Variants in EIF3H observed in about 807,000 individuals in gnomAD.
EIF3H encodes the protein eukaryotic translation initiation factor 3 subunit H, also known as eIF-3-gamma.
In EIF3H, 26 loss-of-function variants were observed where a neutral mutation model predicts 44.2. The observed-to-expected ratio is 0.59, with a 90% CI of 0.43 to 0.82. EIF3H has a LOEUF of 0.82. Ranked by LOEUF, EIF3H falls within the 40% of genes least tolerant of loss-of-function variation. EIF3H has a pLI of 0.00. For missense variants in EIF3H, 359 were observed against 432.8 expected (o/e 0.83, Z 1.51); for synonymous variants, 166 against 151.9 (o/e 1.09, Z -0.68).
At position 116,726,146 on chromosome 8, in the gene EIF3H, A is replaced by T. The variant is rs1317097476; in HGVS notation, c.159T>A (p.Tyr53Ter). The T allele has an allele frequency of 6.2e-7, 1 of 1,613,990 alleles. No individual in the cohort carries two copies. Among genetic ancestry groups the T allele is most frequent in the Non-Finnish European group, 8.5e-7 (1 of 1,179,916 alleles). ...GLVVLKIIKHYQEEGQGTEVV... is the reference protein window; with the variant it reads ...GLVVLKIIKH ...CTTCAGTTCCTTGTCCTTCTTCTTG[A>T]TAATGTTTGATTATCTTTAATACCA... Residue 53 changes from tyrosine (Y) to a stop codon, truncating the protein, a stop_gained, in exon 2 of 8, where the codon TAT (tyrosine) becomes TAA (stop). Transcript: ENST00000521861. LOFTEE classifies it high-confidence loss of function.
chr8:116,683,463 A>G (rs1297728392), intron 2 of EIF3H, among the ~76,000 whole-genome samples: 2 of 152,126 alleles, frequency 1.3e-5, no homozygotes, highest in Non-Finnish European at 2.9e-5. Flanking sequence ...CCCTGCTCTC[A>G]TTACCTCATC....
intron 1 of EIF3H, among the ~76,000 whole-genome samples, chr8:116,727,407 G>A (rs1223555743): frequency 3.3e-5 from 5 of 152,182 alleles, no homozygotes; most frequent in Non-Finnish European, 4.4e-5. Flanking sequence ...TGCACAAAAC[G>A]AAGAAACTAA....
At chr8:116,664,329 T>C (rs961908958) in intron 2 of EIF3H, among the ~76,000 whole-genome samples, 3 of 152,208 alleles carry the variant, frequency 2.0e-5, no homozygotes, top group Non-Finnish European at 4.4e-5. Flanking sequence ...CTGTCACATA[T>C]GAAAACACTG....
chr8:116,680,858 A>T (rs1395898607), intron 2 of EIF3H, among the ~76,000 whole-genome samples: 2 of 149,830 alleles, frequency 1.3e-5, no homozygotes, highest in Non-Finnish European at 3.0e-5. Context: ...AAAAAAAAAG[A>T]AAGTTAGCAA....
intron 6 of EIF3H, among the ~76,000 whole-genome samples, chr8:116,647,691 G>A (rs1250744217): frequency 6.6e-6 from 1 of 152,138 alleles, no homozygotes; most frequent in South Asian, 2.1e-4. Flanking sequence ...TTTAGTCTTT[G>A]GATTCCTAAG....
chr8:116,689,433 C>CA (rs985083703), intron 2 of EIF3H, among the ~76,000 whole-genome samples: 1 of 151,984 alleles, frequency 6.6e-6, no homozygotes, highest in African/African-American at 2.4e-5. Context: ...ATAAAACTGT[C>CA]AAAAAATAAT....
chr8:116,726,282 TAAATA>T, intron 1 of EIF3H, 110 bp from the exon 2 acceptor site: 3 of 1,141,358 alleles, frequency 2.6e-6, no homozygotes, highest in Non-Finnish European at 3.6e-6. Flanking sequence ...AACCACAAAT[TAAATA>T]AGAGGAATAA....
intron 2 of EIF3H, among the ~76,000 whole-genome samples, chr8:116,665,028 T>C (rs934000570): frequency 4.6e-5 from 7 of 152,184 alleles, no homozygotes; most frequent in African/African-American, 1.7e-4. Flanking sequence ...TCATGATTAT[T>C]GAAATCCTTT....
intron 2 of EIF3H, among the ~76,000 whole-genome samples, chr8:116,721,021 A>C (rs984041539): frequency 9.2e-5 from 14 of 152,160 alleles, no homozygotes; most frequent in Admixed American, 9.2e-4. Flanking sequence ...TTGCATAATG[A>C]GGAGCCAAAT....
chr8:116,746,163 T>C (rs963240248), intron 1 of EIF3H, among the ~76,000 whole-genome samples: 1 of 152,228 alleles, frequency 6.6e-6, no homozygotes, highest in African/African-American at 2.4e-5. Context: ...ACAATATGAC[T>C]GATTATCAAA....
chr8:116,709,275 C>A (rs1015208389), intron 2 of EIF3H, among the ~76,000 whole-genome samples: 6 of 152,122 alleles, frequency 3.9e-5, no homozygotes, highest in African/African-American at 1.2e-4. Context: ...TCTGATAAGA[C>A]AACCCTTTGC....
At chr8:116,694,637 G>A (rs980579641) in intron 2 of EIF3H, among the ~76,000 whole-genome samples, 2 of 152,172 alleles carry the variant, frequency 1.3e-5, no homozygotes, top group South Asian at 2.1e-4. Context: ...ACATAGAAAG[G>A]TCATATCTAG....
At chr8:116,755,060 C>T (rs957760944) in intron 1 of EIF3H, among the ~76,000 whole-genome samples, 9 of 152,210 alleles carry the variant, frequency 5.9e-5, no homozygotes, top group Non-Finnish European at 1.5e-5. Context: ...AGTCCATTTC[C>T]TTATCAAGAA....
chr8:116,644,542 T>C lies in EIF3H; in HGVS notation c.*464A>G, dbSNP rs1347626. On this transcript the variant is annotated 3_prime_UTR_variant, in exon 8 of 8. Transcript: ENST00000521861. The stretch of plus-strand genomic sequence containing the variant: ...GACAAGGAATTCCTGGGCAAGTACA[T>C]GAAGCCTGGACTTCTCTCGGGGTGC... The C allele has an allele frequency of 0.89, 137,046 of 154,342 alleles. 61,149 individuals are homozygous for C. Among genetic ancestry groups the C allele is most frequent in the African/African-American group, 0.96 (39,630 of 41,464 alleles). The allele number at this position is 154,342 out of a possible 1,614,324, so 9.6% of individuals were successfully genotyped here.
chr8:116,712,419 A>C (rs529385521), intron 2 of EIF3H, among the ~76,000 whole-genome samples: 19 of 152,338 alleles, frequency 1.2e-4, no homozygotes, highest in African/African-American at 4.6e-4. Flanking sequence ...GGCAAAAAAA[A>C]CAGTAAATAT....
chr8:116,661,900 G>A (rs1020739391), intron 2 of EIF3H, among the ~76,000 whole-genome samples: 1 of 152,176 alleles, frequency 6.6e-6, no homozygotes, highest in Non-Finnish European at 1.5e-5. Context: ...GCCTATAGCC[G>A]TGTGGAGATA....
At chr8:116,707,168 C>T (rs370754543) in intron 2 of EIF3H, among the ~76,000 whole-genome samples, 52 of 152,262 alleles carry the variant, frequency 3.4e-4, no homozygotes, top group African/African-American at 1.2e-3. Flanking sequence ...AATCTTAGTT[C>T]TGTCTTTTGG....
At chr8:116,710,387 T>G (rs1432453844) in intron 2 of EIF3H, among the ~76,000 whole-genome samples, 2 of 152,324 alleles carry the variant, frequency 1.3e-5, no homozygotes, top group South Asian at 2.1e-4. Context: ...GTATTTTCAG[T>G]TAGTTTCTCC....
intron 6 of EIF3H, among the ~76,000 whole-genome samples, chr8:116,648,155 G>A (rs555050029): frequency 4.3e-4 from 65 of 152,190 alleles, no homozygotes; most frequent in African/African-American, 1.5e-3. Flanking sequence ...TACTTTCACA[G>A]ATAAACATTC....
Sources: gnomAD v4.1 joint callset for allele counts (sites outside exome capture counted in the v4.1 genomes callset) on GRCh38, gnomAD v4.1.1 for gene constraint, MANE v1.5 for transcripts, NCBI Gene and HGNC (gene_info 2026-07-23, HGNC 2026-07-21) for gene names.